The following KCNC4 variants were observed in gnomAD, a reference collection of about 807,000 sequenced individuals.
The protein encoded by KCNC4 is voltage-gated potassium channel KCNC4.
Under a neutral mutation model 42.8 loss-of-function variants are expected in KCNC4, and 23 were observed. That is an observed-to-expected ratio of 0.54 (90% CI 0.39 to 0.76). The LOEUF (loss-of-function observed/expected upper bound fraction) is 0.76, where lower values mean the gene tolerates loss of function less well. Among genes scored for constraint, KCNC4 ranks in the 30% least tolerant of loss-of-function variants. The pLI is 0.00. For synonymous variants in KCNC4, 422 were observed against 393.5 expected (o/e 1.07, Z -0.86); for missense variants, 751 against 898.2 (o/e 0.84, Z 2.10).
chr1:110,233,177 T>C lies in KCNC4; in HGVS notation c.*205T>C, dbSNP rs1480705101. The C allele has an allele frequency of 1.9e-5, 12 of 616,478 alleles. No individual in the cohort carries two copies. The highest frequency in any genetic ancestry group is 2.9e-5 in the Admixed American group (1 of 35,012). 38.2% of individuals were successfully genotyped at this position (616,478 alleles called of 1,614,324 possible). A position where few individuals can be genotyped will look rare whatever the true frequency, so the allele number is the denominator to read the frequency against. ...TGTTCCATTGTACATCGAAGAGATA[T>C]ATATGCACATATAGTATCTATATTC... On this transcript the variant is annotated 3_prime_UTR_variant, in exon 4 of 4. Coordinates refer to ENST00000438661, the MANE Select transcript of KCNC4 (RefSeq NM_001039574.3).
chr1:110,256,548 G>A (rs774462526), intron 1 of KCNC4, among the ~76,000 whole-genome samples: 4 of 152,372 alleles, frequency 2.6e-5, no homozygotes, highest in Admixed American at 6.5e-5. Flanking sequence ...GTGTCAGGCA[G>A]TGGATCAGCT....
chr1:110,281,727 C>T (rs780847767), intron 1 of KCNC4, among the ~76,000 whole-genome samples: 6 of 152,156 alleles, frequency 3.9e-5, no homozygotes, highest in African/African-American at 7.2e-5. Flanking sequence ...AGAATCTCTC[C>T]GGCCCAGCCT....
At chr1:110,252,960 C>T (rs939087344), downstream of KCNC4, among the ~76,000 whole-genome samples, 8 of 152,150 alleles carry the variant, frequency 5.3e-5, no homozygotes, top group African/African-American at 1.9e-4. Context: ...AACTCCCCAG[C>T]GTATGTTTGT....
rs984062416 is a variant in KCNC4, at chr1:110,214,078, G to A, written c.678+1901G>A. 2.0e-5 allele frequency among the ~76,000 whole-genome samples: 3 copies of A among 152,306 alleles called. No individual in the cohort carries two copies. The East Asian group carries it at 5.8e-4, about 29-fold the overall frequency. ...CACTGCTGAATGGCCAAGCCAGGGGGCCTCTTTGAGTAAGCTCAGAGCCTG... is the reference window on the plus strand; with the variant it reads ...CACTGCTGAATGGCCAAGCCAGGGGACCTCTTTGAGTAAGCTCAGAGCCTG... On this transcript the variant is annotated intron_variant, in intron 1 of 3. Coordinates refer to ENST00000438661, the MANE Select transcript of KCNC4 (RefSeq NM_001039574.3).
Position 110,265,407 on chromosome 1 carries a change from TAAAATAA to T in KCNC4, n.31-17124_31-17118del, listed in dbSNP as rs1422138960. 6.7e-3 allele frequency among the ~76,000 whole-genome samples: 650 copies of T among 96,864 alleles called. 7 individuals carry two copies. Among genetic ancestry groups the T allele is most frequent in the African/African-American group, 0.029 (570 of 19,438 alleles). 63.5% of individuals were successfully genotyped at this position (96,864 alleles called of 152,430 possible). ...TAAAATAAAATAAAATAAAATAAAATAAAATAAAATAAAATATTCCCCACCCAGAGGA... is the reference window on the plus strand; with the variant it reads ...TAAAATAAAATAAAATAAAATAAAATAATAAAATATTCCCCACCCAGAGGA... On this transcript the variant is annotated intron_variant and non_coding_transcript_variant, in intron 1 of 2. Coordinates refer to the KCNC4 transcript ENST00000412512.
chr1:110,224,194 C>G lies in KCNC4; in HGVS notation c.1615+294C>G, dbSNP rs2101018533. 4 of 379,052 alleles carry G rather than the reference C, an allele frequency of 1.1e-5. No homozygotes were observed. The South Asian group carries it at 2.4e-4, about 22-fold the overall frequency. The allele number at this position is 379,052 out of a possible 1,614,324, so 23.5% of individuals were successfully genotyped here. ...GCCCTGGTTTTAAATCCAATCTTGG[C>G]CACTGTGCTGTGTGCCCTGAGGCCA... On this transcript the variant is annotated intron_variant, in intron 2 of 3. Coordinates refer to ENST00000438661, the MANE Select transcript of KCNC4 (RefSeq NM_001039574.3).
At position 110,223,808 on chromosome 1, in the gene KCNC4, G is replaced by A. The variant is rs768599105; in HGVS notation, c.1523G>A (p.Cys508Tyr). The change falls in exon 2 of 4, where the codon TGC becomes TAC. Residue 508 changes from cysteine to tyrosine, a missense_variant. Transcript: ENST00000438661. The surrounding 1 kb of genome is among the most constrained non-coding windows in gnomAD (Gnocchi z 7.5). The stretch of plus-strand genomic sequence containing the variant: ...GCGCAGCTGGAGTCACCCATGTACT[G>A]CAAGTCTGAGGAGACTTCCCCCCGG... ...RPAQLESPMY[C>Y]KSEETSPRDS... The A allele has an allele frequency of 6.3e-5, 102 of 1,613,856 alleles. No individual in the cohort carries two copies. Among genetic ancestry groups the A allele is most frequent in the Non-Finnish European group, 8.1e-5 (95 of 1,179,886 alleles).
chr1:110,226,391 C>G (rs1658398584), intron 3 of KCNC4: 4 of 595,116 alleles, frequency 6.7e-6, no homozygotes, highest in Non-Finnish European at 1.2e-5. Context: ...CGGCTCCCAT[C>G]CAGCTGCCCA....
intron 1 of KCNC4, among the ~76,000 whole-genome samples, chr1:110,266,823 G>T (rs1010315454): frequency 6.6e-6 from 1 of 152,192 alleles, no homozygotes; most frequent in Non-Finnish European, 1.5e-5. Flanking sequence ...TAAAGTCTGT[G>T]TTCCCCGGAC....
At chr1:110,219,419 C>T (rs1657974169) in intron 1 of KCNC4, among the ~76,000 whole-genome samples, 1 of 152,156 alleles carries the variant, frequency 6.6e-6, no homozygotes, top group Non-Finnish European at 1.5e-5. Context: ...CAGAAGTTAC[C>T]ATTCATTTAC....
At position 110,223,903 on chromosome 1, in the gene KCNC4, G is replaced by A; in HGVS notation, c.1615+3G>A. On this transcript the variant is annotated splice_donor_region_variant and intron_variant, in intron 2 of 3. Coordinates refer to ENST00000438661, the MANE Select transcript of KCNC4 (RefSeq NM_001039574.3). This position sits in a 1 kb window ranked among gnomAD's most constrained non-coding sequence, Gnocchi z 7.5. Reference sequence around the variant, plus strand: ...TATGATCGAGAGGAAACGGGCAGGTGAGATTAGGGGTTGGGAAGGAAAATC... The same window carrying A: ...TATGATCGAGAGGAAACGGGCAGGTAAGATTAGGGGTTGGGAAGGAAAATC... 6.3e-7 allele frequency: 1 copy of A among 1,578,644 alleles called. No homozygotes were observed. The highest frequency in any genetic ancestry group is 1.2e-5 in the South Asian group (1 of 85,764).
At chr1:110,272,522 G>A (rs1246739996) in intron 1 of KCNC4, 1 of 152,202 alleles carries the variant, frequency 6.6e-6, no homozygotes, top group Non-Finnish European at 1.5e-5. Flanking sequence ...TATGAAACCA[G>A]AGCTCTTAAG....
chr1:110,256,438 C>T (rs1313832203), intron 1 of KCNC4, among the ~76,000 whole-genome samples: 1 of 152,208 alleles, frequency 6.6e-6, no homozygotes, highest in Non-Finnish European at 1.5e-5. Flanking sequence ...AACTTGGTCA[C>T]TCAGAACTTG....
rs1354378932 is a variant in KCNC4 at position 110,211,982 on chromosome 1, C to T, written c.483C>T (p.Phe161=). The change falls in exon 1 of 4, where the codon TTC becomes TTT. Residue 161 remains phenylalanine, a synonymous_variant. Transcript: ENST00000438661. The surrounding 1 kb of genome is among the most constrained non-coding windows in gnomAD (Gnocchi z 6.5). ...ACGCCGAGGAGGCGCTCGACATCTT[C>T]GAGAGCCCGGACGGAGGCGGCAGCG... ...HRDAEEALDI[F]ESPDGGGSGA... The T allele has an allele frequency of 1.2e-6, 2 of 1,610,506 alleles. No homozygotes were observed. Among genetic ancestry groups the T allele is most frequent in the South Asian group, 1.1e-5 (1 of 90,946 alleles).
chr1:110,234,756 G>C (rs1046713373), downstream of KCNC4: 1 of 152,372 alleles, frequency 6.6e-6, no homozygotes, highest in African/African-American at 2.4e-5. Flanking sequence ...CTTGCACCAG[G>C]CTCTGGCGGG....
chr1:110,240,201 G>A (rs76473251), exon 4 of KCNC4: 18,290 of 152,138 alleles, frequency 0.12, 1,590 homozygotes, highest in African/African-American at 0.22. Flanking sequence ...TCCTGGACTC[G>A]GAGCCTCCCA....
Position 110,210,496 on chromosome 1 carries a change from C to A in KCNC4, c.-1004C>A, listed in dbSNP as rs1657372903. ...CGCGTAGATGGCGTGGCTCCCAGCGCCGCCAGATCGCAGGAACCAGGCGCC... is the reference window on the plus strand; with the variant it reads ...CGCGTAGATGGCGTGGCTCCCAGCGACGCCAGATCGCAGGAACCAGGCGCC... On this transcript the variant is annotated 5_prime_UTR_variant, in exon 1 of 4. Coordinates refer to ENST00000438661, the MANE Select transcript of KCNC4 (RefSeq NM_001039574.3). Among the ~76,000 whole-genome samples, 1 of 151,412 alleles carries A rather than the reference C, an allele frequency of 6.6e-6. No homozygotes were observed. The highest frequency in any genetic ancestry group is 1.5e-5 in the Non-Finnish European group (1 of 67,770).
chr1:110,278,306 G>A (rs1659760902), intron 1 of KCNC4, among the ~76,000 whole-genome samples: 1 of 152,182 alleles, frequency 6.6e-6, no homozygotes, highest in Non-Finnish European at 1.5e-5. Flanking sequence ...AGATTGAGAT[G>A]ATATGAGTCA....
At chr1:110,278,201 A>C (rs1211628173) in intron 1 of KCNC4, among the ~76,000 whole-genome samples, 1 of 77,100 alleles carries the variant, frequency 1.3e-5, no homozygotes, top group Non-Finnish European at 2.6e-5. Flanking sequence ...GGAAGGAGGA[A>C]AAAAAAAAGA....
Sources: gnomAD v4.1 joint callset for allele counts (sites outside exome capture counted in the v4.1 genomes callset) on GRCh38, gnomAD v4.1.1 for gene constraint, Gnocchi (gnomAD v3.1) non-coding constraint, MANE v1.5 for transcripts, NCBI Gene and HGNC (gene_info 2026-07-23, HGNC 2026-07-21) for gene names.